The following LRMDA variants were observed in gnomAD, a reference collection of about 807,000 sequenced individuals.
LRMDA encodes the protein leucine-rich melanocyte differentiation-associated protein.
Under a neutral mutation model 29.8 loss-of-function variants are expected in LRMDA, and 18 were observed. That is an observed-to-expected ratio of 0.60 (90% CI 0.42 to 0.90). The LOEUF is 0.90. Among genes scored for constraint, LRMDA ranks in the 40% least tolerant of loss-of-function variants. The probability of loss-of-function intolerance (pLI) is 0.00; values close to 1 mark genes in which losing one functional copy is unlikely to be tolerated. For missense variants in LRMDA, 273 were observed against 273.9 expected (o/e 1.00, Z 0.02); for synonymous variants, 125 against 109.4 (o/e 1.14, Z -0.89).
chr10:76,215,531 C>A (rs1352522277), intron 5 of LRMDA, among the ~76,000 whole-genome samples: 1 of 150,420 alleles, frequency 6.6e-6, no homozygotes, highest in Admixed American at 6.6e-5. Flanking sequence ...GTAGTAGATT[C>A]TTTCTTGAAA....
At chr10:76,128,033 A>G (rs1257091876) in intron 5 of LRMDA, among the ~76,000 whole-genome samples, 4 of 152,224 alleles carry the variant, frequency 2.6e-5, no homozygotes, top group Non-Finnish European at 4.4e-5. Context: ...CTGCTCACTA[A>G]TACTTGCCCA....
At chr10:76,015,154 C>T (rs1485011136) in intron 2 of LRMDA, among the ~76,000 whole-genome samples, 1 of 152,218 alleles carries the variant, frequency 6.6e-6, no homozygotes, top group Non-Finnish European at 1.5e-5. Flanking sequence ...GGCACTTTGC[C>T]AGGTGTATTA....
intron 2 of LRMDA, among the ~76,000 whole-genome samples, chr10:75,966,493 C>T (rs1348283626): frequency 6.6e-6 from 1 of 152,228 alleles, no homozygotes; most frequent in East Asian, 1.9e-4. Flanking sequence ...CTCTATCTTG[C>T]TGTCCTACCC....
chr10:75,934,119 G>T (rs2132403182), intron 2 of LRMDA, among the ~76,000 whole-genome samples: 1 of 152,292 alleles, frequency 6.6e-6, no homozygotes, highest in African/African-American at 2.4e-5. Context: ...ATGTGCATGG[G>T]TCCTGGGTAA....
rs1016907342 is a variant in LRMDA, at chr10:75,974,142, T to C, written c.132-61866T>C. The stretch of plus-strand genomic sequence containing the variant: ...TCCCCAGTTTTCTTCTTCTTTCTTC[T>C]GTTAATTTCCCCTGCAGATATAGCA... On this transcript the variant is annotated intron_variant, in intron 2 of 6. Transcript: ENST00000611255. Among the ~76,000 whole-genome samples the C allele has an allele frequency of 3.3e-5, 5 of 152,196 alleles. No homozygotes were observed. In the East Asian group the frequency reaches 9.6e-4, roughly 29 times the overall value.
intron 5 of LRMDA, among the ~76,000 whole-genome samples, chr10:76,278,539 G>A (rs887301718): frequency 1.3e-5 from 2 of 152,132 alleles, no homozygotes; most frequent in Non-Finnish European, 2.9e-5. Context: ...TTGACACTCT[G>A]GCAGCAGTGA....
chr10:75,870,387 T>C (rs1845089910), intron 2 of LRMDA, among the ~76,000 whole-genome samples: 1 of 152,220 alleles, frequency 6.6e-6, no homozygotes, highest in Admixed American at 6.5e-5. Context: ...GAAACATGTG[T>C]TATGTACGAC....
chr10:75,976,242 C>A (rs1847067657), intron 2 of LRMDA, among the ~76,000 whole-genome samples: 1 of 152,374 alleles, frequency 6.6e-6, no homozygotes, highest in African/African-American at 2.4e-5. Flanking sequence ...AAAGAACAAA[C>A]CTATTCATTC....
In LRMDA at chr10:75,956,530, C is replaced by T. The variant is rs1846666239; in HGVS notation, c.132-79478C>T. On this transcript the variant is annotated intron_variant, in intron 2 of 6. Transcript: ENST00000611255. ...CAAAATGGGAATTGGATGTCTGAGC[C>T]CCCTTTATTCTACCACCATCACTGT... 2.0e-5 allele frequency among the ~76,000 whole-genome samples: 3 copies of T among 152,082 alleles called. No homozygotes were observed. The South Asian group carries it at 6.2e-4, about 32-fold the overall frequency.
At chr10:75,734,835 A>G (rs1842741429) in intron 2 of LRMDA, among the ~76,000 whole-genome samples, 1 of 152,218 alleles carries the variant, frequency 6.6e-6, no homozygotes, top group African/African-American at 2.4e-5. Context: ...ACATGTATCA[A>G]GCATTTTTGT....
chr10:75,700,271 T>TA (rs1194665287), intron 2 of LRMDA, among the ~76,000 whole-genome samples: 14 of 149,838 alleles, frequency 9.3e-5, no homozygotes, highest in African/African-American at 2.5e-4. Context: ...TTTTTTTTTT[T>TA]ACCAAATATT....
intron 2 of LRMDA, among the ~76,000 whole-genome samples, chr10:75,705,040 G>A (rs187942337): frequency 1.3e-5 from 2 of 152,348 alleles, no homozygotes; most frequent in African/African-American, 4.8e-5. Context: ...GGGGCTGGGA[G>A]TGGGATGGGG....
chr10:76,209,151 A>G (rs1444461402), intron 5 of LRMDA, among the ~76,000 whole-genome samples: 1 of 152,134 alleles, frequency 6.6e-6, no homozygotes, highest in African/African-American at 2.4e-5. Flanking sequence ...GTGAAACTCC[A>G]TCTGAAAAAT....
chr10:76,055,282 G>A (rs1848596483), intron 4 of LRMDA, among the ~76,000 whole-genome samples: 1 of 152,012 alleles, frequency 6.6e-6, no homozygotes, highest in African/African-American at 2.4e-5. Context: ...ACCAGGCATG[G>A]GGTGGACATT....
intron 2 of LRMDA, among the ~76,000 whole-genome samples, chr10:75,586,720 G>T (rs1471713176): frequency 2.6e-5 from 4 of 151,788 alleles, no homozygotes. Context: ...TTCCCTGATG[G>T]TTAGTGACAT....
At chr10:75,454,137 T>C (rs1377522935) in intron 2 of LRMDA, among the ~76,000 whole-genome samples, 1 of 152,190 alleles carries the variant, frequency 6.6e-6, no homozygotes, top group Non-Finnish European at 1.5e-5. Flanking sequence ...TCCTCCTGGC[T>C]ATAGGGCAGG....
chr10:76,240,763 GAGATAGATAGATAGATAGATAGAT>G (rs55944717), intron 5 of LRMDA, among the ~76,000 whole-genome samples: 4 of 143,986 alleles, frequency 2.8e-5, no homozygotes, highest in African/African-American at 7.8e-5. Context: ...AAGAAAATGT[GAGATAGATAGATAGATAGATAGAT>G]AGATAGATAG....
intron 2 of LRMDA, among the ~76,000 whole-genome samples, chr10:75,589,381 A>G (rs1291612125): frequency 6.6e-6 from 1 of 152,154 alleles, no homozygotes; most frequent in Non-Finnish European, 1.5e-5. Flanking sequence ...TATATATTTA[A>G]TAGGTGTTTG....
chr10:76,144,049 A>G (rs185572591), intron 5 of LRMDA, among the ~76,000 whole-genome samples: 1 of 152,244 alleles, frequency 6.6e-6, no homozygotes, highest in African/African-American at 2.4e-5. Flanking sequence ...CTATTGGTCT[A>G]TATCTCTGTT....
Sources: gnomAD v4.1 joint callset for allele counts (sites outside exome capture counted in the v4.1 genomes callset) on GRCh38, gnomAD v4.1.1 for gene constraint, MANE v1.5 for transcripts, NCBI Gene and HGNC (gene_info 2026-07-23, HGNC 2026-07-21) for gene names.